Variants in NOXA1 observed in about 807,000 individuals in gnomAD.
The protein encoded by NOXA1 is NADPH oxidase activator 1, also known as NCF2-like protein.
Under a neutral mutation model 64.8 loss-of-function variants are expected in NOXA1, and 56 were observed. The observed-to-expected ratio is 0.86, with a 90% CI of 0.70 to 1.08. NOXA1 has a LOEUF of 1.08. NOXA1 is among the 50% of genes least tolerant of loss of function. The pLI, the probability that NOXA1 is intolerant of heterozygous loss-of-function variation, is 0.00. For missense variants in NOXA1, 668 were observed against 658.5 expected, an observed-to-expected ratio of 1.01 and a Z score of -0.16; for synonymous variants, 295 against 294.8, an observed-to-expected ratio of 1.00 and a Z score of -0.01.
chr9:137,425,105 G>T (rs750511115), intron 1 of NOXA1, among the ~76,000 whole-genome samples: 1 of 152,198 alleles, frequency 6.6e-6, no homozygotes, highest in Admixed American at 6.5e-5. Flanking sequence ...TCAGGGCTGC[G>T]TGCCTGTGCT....
chr9:137,423,848 A>AG (rs1310427449), intron 1 of NOXA1, 142 bp downstream of exon 1: 6 of 696,956 alleles, frequency 8.6e-6, no homozygotes, highest in Non-Finnish European at 1.2e-5. Context: ...GGAGCCGAGC[A>AG]GGGGGGCCGC....
intron 1 of NOXA1, among the ~76,000 whole-genome samples, chr9:137,426,015 C>T (rs1035592209): frequency 6.6e-6 from 1 of 152,190 alleles, no homozygotes; most frequent in Non-Finnish European, 1.5e-5. Context: ...AGCAGCACCT[C>T]AGTGGGCTCT....
At position 137,429,272 on chromosome 9, in the gene NOXA1, C is replaced by T. The variant is rs1466071740; in HGVS notation, c.505-4C>T. The T allele has an allele frequency of 6.5e-7, 1 of 1,542,912 alleles. No individual in the cohort carries two copies. The highest frequency in any genetic ancestry group is 2.4e-5 in the East Asian group (1 of 41,926). On this transcript the variant is annotated splice_polypyrimidine_tract_variant and splice_region_variant and intron_variant, in intron 4 of 13. Transcript: ENST00000683555. ...TGCATCTGCTGGATACCCACCCCCT[C>T]CAGAGACGGGGCTCACTGCCGCCAC...
intron 1 of NOXA1, among the ~76,000 whole-genome samples, chr9:137,424,577 G>C (rs1423884442): frequency 4.6e-5 from 7 of 152,174 alleles, no homozygotes; most frequent in East Asian, 1.9e-4. Flanking sequence ...GTTGCTGGGA[G>C]TACAGGCGCC....
chr9:137,429,299 G>C lies in NOXA1; in HGVS notation c.528G>C (p.Arg176=). 1.9e-6 allele frequency: 3 copies of C among 1,571,556 alleles called. No individual in the cohort carries two copies. The highest frequency in any genetic ancestry group is 2.6e-6 in the Non-Finnish European group (3 of 1,159,050). Residue 176 remains arginine (R), a synonymous_variant, in exon 5 of 14, where the codon CGG becomes CGC. Transcript: ENST00000683555. ...AGAGACGGGGCTCACTGCCGCCACG[G>C]CAGGTCCCCAGGGGCGAGGTCTTCC... ...QVQRRGSLPP[R]QVPRGEVFRP...
rs116285223 is a variant in NOXA1, at chr9:137,431,220, T to C, written c.699-16T>C. 3.6e-3 allele frequency: 5,861 copies of C among 1,608,336 alleles called. 145 individuals carry two copies. The African/African-American group carries it at 0.052, about 14-fold the overall frequency. ...GTCAGATGGGCAGGGCCTGAGAGCCTCCCTCCTCTCCCTAGGTCCCTAATC... is the reference window on the plus strand; with the variant it reads ...GTCAGATGGGCAGGGCCTGAGAGCCCCCCTCCTCTCCCTAGGTCCCTAATC... On this transcript the variant is annotated splice_polypyrimidine_tract_variant and intron_variant, in intron 7 of 13. Transcript: ENST00000683555. This position sits in a 1 kb window ranked among gnomAD's most constrained non-coding sequence, Gnocchi z 5.6.
intron 1 of NOXA1, among the ~76,000 whole-genome samples, chr9:137,424,063 C>A (rs1232248842): frequency 6.6e-6 from 1 of 152,188 alleles, no homozygotes; most frequent in Non-Finnish European, 1.5e-5. Context: ...AGCCCTCCCC[C>A]AGCCCACTCC....
chr9:137,424,321 C>A (rs1039913434), intron 1 of NOXA1, among the ~76,000 whole-genome samples: 3 of 152,274 alleles, frequency 2.0e-5, no homozygotes, highest in Admixed American at 6.5e-5. Context: ...AGGGTCTCCA[C>A]GCCCCTGACT....
chr9:137,432,650 G>A (rs1208961539), intron 8 of NOXA1, among the ~76,000 whole-genome samples: 1 of 152,246 alleles, frequency 6.6e-6, no homozygotes. Flanking sequence ...ACTTGCAGCT[G>A]GTGAACTGGT....
intron 1 of NOXA1, 78 bp downstream of exon 1, chr9:137,423,784 G>C (rs1434414065): frequency 9.8e-6 from 11 of 1,123,586 alleles, no homozygotes; most frequent in Non-Finnish European, 1.2e-5. Flanking sequence ...GCCCCTCCCC[G>C]ACCGTCACGG....
rs986628393 is a variant in NOXA1 at position 137,423,488 on chromosome 9, C to T, written c.-42C>T. The T allele has an allele frequency of 1.0e-4, 126 of 1,223,138 alleles. No individual in the cohort carries two copies. Among genetic ancestry groups the T allele is most frequent in the Non-Finnish European group, 1.3e-4 (125 of 979,394 alleles). 75.8% of individuals were successfully genotyped at this position (1,223,138 alleles called of 1,614,324 possible). A position where few individuals can be genotyped will look rare whatever the true frequency, so the allele number is the denominator to read the frequency against. On this transcript the variant is annotated 5_prime_UTR_variant, in exon 1 of 14. Coordinates refer to ENST00000683555, the MANE Select transcript of NOXA1 (RefSeq NM_001256067.2). ...CGCCTGGCCCCGGCCCCGGCCCCTC[C>T]GCGGGATCCTGGCCCCTCCTCGAGC... is the stretch of plus-strand genomic sequence containing the variant.
Position 137,433,447 on chromosome 9 carries a change from A to C in NOXA1, c.910-6A>C. 1 of 1,595,222 alleles carries C rather than the reference A, an allele frequency of 6.3e-7. No homozygotes were observed. Among genetic ancestry groups the C allele is most frequent in the Non-Finnish European group, 8.5e-7 (1 of 1,173,958 alleles). Reference sequence around the variant, plus strand: ...GACCACCCCTCCCCCTCCTGCCTGGACCCAGGGAGCAGGTGCAGGGGGCTC... The same window carrying C: ...GACCACCCCTCCCCCTCCTGCCTGGCCCCAGGGAGCAGGTGCAGGGGGCTC... On this transcript the variant is annotated splice_polypyrimidine_tract_variant and splice_region_variant and intron_variant, in intron 10 of 13. Transcript: ENST00000683555.
chr9:137,433,744 T>A lies in NOXA1; in HGVS notation c.1065-6T>A. 6.8e-7 allele frequency: 1 copy of A among 1,461,514 alleles called. No individual in the cohort carries two copies. Among genetic ancestry groups the A allele is most frequent in the Non-Finnish European group, 9.1e-7 (1 of 1,101,038 alleles). The allele number at this position is 1,461,514 out of a possible 1,614,324, so 90.5% of individuals were successfully genotyped here. A position where few individuals can be genotyped will look rare whatever the true frequency, so the allele number is the denominator to read the frequency against. On this transcript the variant is annotated splice_region_variant and splice_polypyrimidine_tract_variant and intron_variant, in intron 11 of 13. Transcript: ENST00000683555. The stretch of plus-strand genomic sequence containing the variant: ...AGGAGGCCCCCTCTGAGGAATCTCT[T>A]TGCAGTTACCTAGCCCCAGGTGAGG...
chr9:137,427,903 C>T (rs1255935888), intron 2 of NOXA1, 130 bp from the exon 3 acceptor site: 18 of 638,450 alleles, frequency 2.8e-5, no homozygotes, highest in South Asian at 7.3e-5. Context: ...ACCTAGGCAC[C>T]GCACTGCCCT....
chr9:137,426,254 G>A lies in NOXA1; in HGVS notation c.184G>A (p.Asp62Asn), dbSNP rs770563342. 1 of 1,613,560 alleles carries A rather than the reference G, an allele frequency of 6.2e-7. No homozygotes were observed. The highest frequency in any genetic ancestry group is 1.3e-5 in the African/African-American group (1 of 74,920). ...TGGGCATTTTTGTCCCCAGGCATTT[G>A]ACCAAGCCGTGACCAAGGACACCTG... ...GDPEAALRAF[D>N]QAVTKDTCMA... Residue 62 changes from aspartate (D) to asparagine (N), a missense_variant, in exon 2 of 14, where the codon GAC becomes AAC. Asp to Asn is a conservative substitution (Grantham distance 23, BLOSUM62 1). Coordinates refer to ENST00000683555, the MANE Select transcript of NOXA1 (RefSeq NM_001256067.2).
intron 5 of NOXA1, 50 bp from the exon 6 acceptor site, chr9:137,430,734 C>T (rs758612973): frequency 1.3e-6 from 2 of 1,528,650 alleles, no homozygotes; most frequent in Non-Finnish European, 1.8e-6. Context: ...AGGGAGCAGA[C>T]CCTGCTGGGC....
rs765853505 is a variant in NOXA1, at chr9:137,431,378, G to A, written c.804+37G>A. 7.8e-6 allele frequency: 12 copies of A among 1,538,298 alleles called. No individual in the cohort carries two copies. Among genetic ancestry groups the A allele is most frequent in the South Asian group, 1.1e-5 (1 of 89,580 alleles). ...TGGGCCTCTTCCCCTGCTGGGGGTC[G>A]GTGCTTCTGCTGCCTCCGCAGACTG... On this transcript the variant is annotated intron_variant, in intron 8 of 13. Transcript: ENST00000683555. This position sits in a 1 kb window ranked among gnomAD's most constrained non-coding sequence, Gnocchi z 5.6.
At chr9:137,424,253 G>A (rs573222768) in intron 1 of NOXA1, among the ~76,000 whole-genome samples, 55 of 152,340 alleles carry the variant, frequency 3.6e-4, no homozygotes, top group African/African-American at 1.3e-3. Flanking sequence ...GGTGCCCACG[G>A]TTACTGAAGG....
At chr9:137,432,974 AC>A in intron 8 of NOXA1, 54 bp from the exon 9 acceptor site, 1 of 1,593,864 alleles carries the variant, frequency 6.3e-7, no homozygotes, top group Non-Finnish European at 8.6e-7. Context: ...CGAGGACAGT[AC>A]CGGCCTCCAG....
Sources: gnomAD v4.1 joint callset for allele counts (sites outside exome capture counted in the v4.1 genomes callset) on GRCh38, gnomAD v4.1.1 for gene constraint, Gnocchi (gnomAD v3.1) non-coding constraint, MANE v1.5 for transcripts, NCBI Gene and HGNC (gene_info 2026-07-23, HGNC 2026-07-21) for gene names.